Variants in NKTR observed in about 807,000 individuals in gnomAD.
NKTR encodes natural killer cell triggering receptor, also known as NK-tumor recognition protein.
Under a neutral mutation model 156.3 loss-of-function variants are expected in NKTR, and 67 were observed. The ratio of observed to expected loss-of-function variants is 0.43; its 90% CI spans 0.35 to 0.53. NKTR has a LOEUF of 0.53. Ranked by LOEUF, NKTR falls within the 20% of genes least tolerant of loss-of-function variation. The pLI is 0.01. For missense variants in NKTR, 1,604 were observed against 1,730.9 expected (o/e 0.93, Z 1.30); for synonymous variants, 640 against 596.6 (o/e 1.07, Z -1.06).
Position 42,635,383 on chromosome 3 carries a change from T to G in NKTR, c.1163+17T>G, listed in dbSNP as rs2125813767. 1 of 1,593,432 alleles carries G rather than the reference T, an allele frequency of 6.3e-7. No individual in the cohort carries two copies. The highest frequency in any genetic ancestry group is 8.6e-7 in the Non-Finnish European group (1 of 1,166,854). On this transcript the variant is annotated intron_variant, in intron 12 of 16. Transcript: ENST00000232978. ...AGGAGATAAGTAAGAACTTTGAGTA[T>G]AAGCACAATCCTGTGTCTGTTATAT...
At chr3:42,640,290 C>T (rs2125822447) in intron 13 of NKTR, among the ~76,000 whole-genome samples, 1 of 152,288 alleles carries the variant, frequency 6.6e-6, no homozygotes, top group East Asian at 1.9e-4. Flanking sequence ...TCATCTTTGT[C>T]ACTCTGCACC....
intron 6 of NKTR, among the ~76,000 whole-genome samples, chr3:42,626,166 TA>T (rs1464197609): frequency 4.3e-5 from 6 of 139,538 alleles, no homozygotes; most frequent in Admixed American, 6.7e-5. Flanking sequence ...TACAGTCACT[TA>T]TTTTTTTTTT....
chr3:42,634,748 T>G, intron 11 of NKTR, 48 bp downstream of exon 11: 1 of 1,001,152 alleles, frequency 1.0e-6, no homozygotes, highest in Non-Finnish European at 1.5e-6. Flanking sequence ...AATAAAAAAT[T>G]TTTACCTATT....
chr3:42,639,619 G>A lies in NKTR; in HGVS notation c.3915G>A (p.Arg1305=). Residue 1305 remains arginine, a synonymous_variant, in exon 13 of 17, where the codon CGG becomes CGA. Transcript: ENST00000232978. The stretch of plus-strand genomic sequence containing the variant: ...CAAGTGATGAGCAGACGCCTAGTCG[G>A]GATGATGATAGCCAGTCCAGGAGTC... ...ESSSDEQTPS[R]DDDSQSRSPS... is the part of the protein sequence containing the mutation. The A allele has an allele frequency of 6.2e-7, 1 of 1,614,180 alleles. No homozygotes were observed. Among genetic ancestry groups the A allele is most frequent in the Non-Finnish European group, 8.5e-7 (1 of 1,180,022 alleles).
At chr3:42,629,187 G>A (rs1708672738) in intron 6 of NKTR, 1 of 984,950 alleles carries the variant, frequency 1.0e-6, no homozygotes. Flanking sequence ...TTAAACACTA[G>A]TGGCTCACTA....
At chr3:42,643,041 C>A (rs1710027695) in intron 14 of NKTR, among the ~76,000 whole-genome samples, 1 of 152,154 alleles carries the variant, frequency 6.6e-6, no homozygotes, top group South Asian at 2.1e-4. Flanking sequence ...CTACTGCTGT[C>A]ACTTCACTTT....
chr3:42,617,610 A>G lies in NKTR; in HGVS notation c.99A>G (p.Pro33=), dbSNP rs1344721749. The G allele has an allele frequency of 1.2e-6, 2 of 1,601,214 alleles. No homozygotes were observed. The highest frequency in any genetic ancestry group is 4.5e-5 in the East Asian group (2 of 44,718). ...IMFQLFSDIC[P]KTCKNFLCLC... is the part of the protein sequence containing the mutation. ...TTCAGCTCTTCTCAGACATATGTCC[A>G]AAAACATGCAAAAACTTCCTTTGCT... The change falls in exon 3 of 17, where the codon CCA becomes CCG. Residue 33 remains proline (P), a synonymous_variant. Transcript: ENST00000232978.
chr3:42,634,892 A>T (rs755470185), intron 11 of NKTR, 192 bp downstream of exon 11: 120 of 495,898 alleles, frequency 2.4e-4, no homozygotes, highest in Middle Eastern at 5.3e-4. Context: ...TTAATTGAGT[A>T]TGAAAGGAGG....
At chr3:42,629,191 C>T in intron 6 of NKTR, 1 of 984,836 alleles carries the variant, frequency 1.0e-6, no homozygotes, top group South Asian at 4.7e-5. Context: ...ACACTAGTGG[C>T]TCACTAATTC....
chr3:42,637,428 G>A lies in NKTR; in HGVS notation c.1724G>A (p.Ser575Asn). Residue 575 changes from serine (S) to asparagine (N), a missense_variant, in exon 13 of 17, where the codon AGT becomes AAT. Physicochemically the swap from Ser to Asn is conservative, Grantham distance 46. Coordinates refer to ENST00000232978, the MANE Select transcript of NKTR (RefSeq NM_005385.4). The stretch of plus-strand genomic sequence containing the variant: ...CCAAGAAAAACAGCTTCTCAGTTAA[G>A]TGAAAATAAACCAGTTAAAACAGAA... ...KSPRKTASQL[S>N]ENKPVKTEPL... 1 of 1,613,364 alleles carries A rather than the reference G, an allele frequency of 6.2e-7. No homozygotes were observed. Among genetic ancestry groups the A allele is most frequent in the Non-Finnish European group, 8.5e-7 (1 of 1,179,792 alleles).
rs759901993 is a variant in NKTR at position 42,642,563 on chromosome 3, G to T, written c.4109G>T (p.Arg1370Leu). 6.2e-7 allele frequency: 1 copy of T among 1,614,008 alleles called. No individual in the cohort carries two copies. The highest frequency in any genetic ancestry group is 1.3e-5 in the African/African-American group (1 of 74,916). The change falls in exon 14 of 17, where the codon CGG becomes CTG. Residue 1370 changes from arginine to leucine, a missense_variant. Around this residue, in one of 6 missense-constraint regions of NKTR, gnomAD observed 193 missense variants for 220.2 expected, o/e 0.88. Coordinates refer to ENST00000232978, the MANE Select transcript of NKTR (RefSeq NM_005385.4). ...GWYSRGRTRS[R>L]SSSYRSYKSH... The stretch of plus-strand genomic sequence containing the variant: ...TACAGCAGAGGCCGAACCAGAAGCC[G>T]GAGCAGTTCCTACCGGAGTTACAAA...
chr3:42,636,134 T>G (rs1709388862), intron 12 of NKTR, among the ~76,000 whole-genome samples: 2 of 152,144 alleles, frequency 1.3e-5, no homozygotes, highest in South Asian at 4.1e-4. Flanking sequence ...CCAGAATAGC[T>G]AGTGAAAAAT....
chr3:42,645,882 T>C lies in NKTR; in HGVS notation c.4302-6T>C, dbSNP rs752586211. Reference sequence around the variant, plus strand: ...GATTTTTATATATTTTGTTTTGTTATTACAGGAGTTGTAGATCTTATGGCT... The same window carrying C: ...GATTTTTATATATTTTGTTTTGTTACTACAGGAGTTGTAGATCTTATGGCT... On this transcript the variant is annotated splice_region_variant and splice_polypyrimidine_tract_variant and intron_variant, in intron 16 of 16. Coordinates refer to ENST00000232978, the MANE Select transcript of NKTR (RefSeq NM_005385.4). 3 of 1,596,768 alleles carry C rather than the reference T, an allele frequency of 1.9e-6. No individual in the cohort carries two copies. In the South Asian group the frequency reaches 3.4e-5, roughly 18 times the overall value.
At position 42,648,053 on chromosome 3, in the gene NKTR, C is replaced by T. The variant is rs1365731068; in HGVS notation, c.*2078C>T. 1 of 152,198 alleles carries T rather than the reference C, an allele frequency of 6.6e-6. No individual in the cohort carries two copies. Among genetic ancestry groups the T allele is most frequent in the Non-Finnish European group, 1.5e-5 (1 of 68,048 alleles). 9.4% of individuals were successfully genotyped at this position (152,198 alleles called of 1,614,324 possible). The stretch of plus-strand genomic sequence containing the variant: ...CTGGCTCTCAGCTGGAGGCCCCTCT[C>T]TCACCTCAAGGCTGCCTGCATTCCT... On this transcript the variant is annotated 3_prime_UTR_variant, in exon 17 of 17. Coordinates refer to ENST00000232978, the MANE Select transcript of NKTR (RefSeq NM_005385.4).
Position 42,645,905 on chromosome 3 carries a change from G to A in NKTR, c.4319G>A (p.Gly1440Asp), listed in dbSNP as rs1318300601. The A allele has an allele frequency of 4.3e-6, 7 of 1,612,082 alleles. No homozygotes were observed. Among genetic ancestry groups the A allele is most frequent in the Non-Finnish European group, 5.9e-6 (7 of 1,178,710 alleles). The change falls in exon 17 of 17, where the codon GGC (glycine) becomes GAC (aspartate). Residue 1440 changes from glycine (G) to aspartate (D), a missense_variant. By Grantham distance (94) the Gly-to-Asp change is moderately conservative. This residue lies in a region of NKTR where 193 missense variants were observed against 220.2 expected (regional missense o/e 0.88). Coordinates refer to ENST00000232978, the MANE Select transcript of NKTR (RefSeq NM_005385.4). ...NRRSRSCRSY[G>D]SDSESDRSYS... ...TATTACAGGAGTTGTAGATCTTATGGCTCTGACAGTGAAAGTGACCGAAGT... is the reference window on the plus strand; with the variant it reads ...TATTACAGGAGTTGTAGATCTTATGACTCTGACAGTGAAAGTGACCGAAGT...
chr3:42,647,292 GT>G lies in NKTR; in HGVS notation c.*1318del, dbSNP rs1254486302. 22 of 113,302 alleles carry G rather than the reference GT, an allele frequency of 1.9e-4. No individual in the cohort carries two copies. The highest frequency in any genetic ancestry group is 9.6e-4 in the African/African-American group (19 of 19,702). 7.0% of individuals were successfully genotyped at this position (113,302 alleles called of 1,614,324 possible). On this transcript the variant is annotated 3_prime_UTR_variant, in exon 17 of 17. Transcript: ENST00000232978. The stretch of plus-strand genomic sequence containing the variant: ...AGTGTGTGTGTGTGTGTGTGTGTGT[GT>G]GTGTGTGTGGTTTTTTTTTTTAATC...
Position 42,646,145 on chromosome 3 carries a change from G to T in NKTR, c.*170G>T. The T allele has an allele frequency of 2.2e-6, 1 of 459,448 alleles. No individual in the cohort carries two copies. The allele number at this position is 459,448 out of a possible 1,614,324, so 28.5% of individuals were successfully genotyped here. On this transcript the variant is annotated 3_prime_UTR_variant, in exon 17 of 17. Transcript: ENST00000232978. ...TGTGGGGAGAAGAATTTAAAATACAGATATGTCTCCTAAAAATATTTTTAT... is the reference window on the plus strand; with the variant it reads ...TGTGGGGAGAAGAATTTAAAATACATATATGTCTCCTAAAAATATTTTTAT...
intron 2 of NKTR, chr3:42,602,828 C>T (rs1218471254): frequency 6.7e-6 from 1 of 149,858 alleles, no homozygotes; most frequent in African/African-American, 2.5e-5. Flanking sequence ...ACCAGCCTGG[C>T]CTACATGGCG....
At chr3:42,627,205 G>A in intron 6 of NKTR, 6 of 984,156 alleles carry the variant, frequency 6.1e-6, no homozygotes, top group Non-Finnish European at 7.2e-6. Flanking sequence ...TACAGAAAGA[G>A]TGTTACACCG....
Sources: gnomAD v4.1 joint callset for allele counts (sites outside exome capture counted in the v4.1 genomes callset) on GRCh38, gnomAD v4.1.1 for gene constraint, gnomAD v4.1.1 regional missense constraint, MANE v1.5 for transcripts, NCBI Gene and HGNC (gene_info 2026-07-23, HGNC 2026-07-21) for gene names.